PRDM15: variants seen among roughly 807,000 people sequenced by gnomAD.
PRDM15 encodes PR domain zinc finger protein 15.
Under a neutral mutation model 128.6 loss-of-function variants are expected in PRDM15, and 64 were observed. The observed-to-expected ratio is 0.50, with a 90% CI of 0.41 to 0.61. PRDM15 has a LOEUF of 0.61. PRDM15 is among the 20% of genes least tolerant of loss of function. The pLI is 0.00. For missense variants in PRDM15, 1,242 were observed against 1,569.1 expected (o/e 0.79, Z 3.52); for synonymous variants, 615 against 621.8 (o/e 0.99, Z 0.16).
At chr21:41,870,538 T>G (rs1205655778) in intron 1 of PRDM15, 2 of 152,214 alleles carry the variant, frequency 1.3e-5, no homozygotes, top group African/African-American at 4.8e-5. Context: ...TGAAAAATGC[T>G]GTGGGTGGGC....
chr21:41,833,880 G>A (rs891154195), intron 11 of PRDM15, among the ~76,000 whole-genome samples: 6 of 152,304 alleles, frequency 3.9e-5, no homozygotes, highest in South Asian at 2.1e-4. Flanking sequence ...TCACCAGAGC[G>A]CCTTAGCTGG....
At chr21:41,845,864 T>G (rs1156518968) in intron 6 of PRDM15, among the ~76,000 whole-genome samples, 1 of 152,124 alleles carries the variant, frequency 6.6e-6, no homozygotes, top group African/African-American at 2.4e-5. Context: ...GGGGACCACC[T>G]GGCGCAAGCA....
chr21:41,838,391 C>T (rs2062965169), intron 7 of PRDM15, among the ~76,000 whole-genome samples: 1 of 152,220 alleles, frequency 6.6e-6, no homozygotes, highest in African/African-American at 2.4e-5. Flanking sequence ...AAACTTCGAA[C>T]TTACTACATC....
chr21:41,830,255 ACC>A (rs1169021993), intron 11 of PRDM15, among the ~76,000 whole-genome samples: 1 of 149,692 alleles, frequency 6.7e-6, no homozygotes, highest in African/African-American at 2.5e-5. Flanking sequence ...CCACACACAC[ACC>A]CCCCACACAA....
rs768538770 is a variant in PRDM15, at chr21:41,801,540, G to A, written c.3126C>T (p.Thr1042=). Residue 1042 remains threonine (T), a synonymous_variant, in exon 24 of 24, where the codon ACC becomes ACT. Coordinates refer to ENST00000398548, the MANE Select transcript of PRDM15 (RefSeq NM_001040424.3). The stretch of plus-strand genomic sequence containing the variant: ...AGCCGCTGACGGTATCAAAGGTCAC[G>A]GTCAGGATTGAGTTGTCCAGCTGTA... ...RQLQLDNSIL[T]VTFDTVSGSA... The A allele has an allele frequency of 4.3e-5, 69 of 1,614,036 alleles. No homozygotes were observed. Among genetic ancestry groups the A allele is most frequent in the Middle Eastern group, 1.6e-4 (1 of 6,084 alleles).
chr21:41,877,984 GA>G (rs1451911504), intron 1 of PRDM15, among the ~76,000 whole-genome samples: 2 of 152,260 alleles, frequency 1.3e-5, no homozygotes, highest in East Asian at 3.8e-4. Context: ...GTGAAGCAGT[GA>G]AAACGTGGAA....
chr21:41,823,505 C>T (rs1601220988), intron 13 of PRDM15, 56 bp from the exon 14 acceptor site: 2 of 1,523,562 alleles, frequency 1.3e-6, no homozygotes, highest in African/African-American at 2.7e-5. Flanking sequence ...CGGGAAGGAG[C>T]CTCTCCATCA....
At chr21:41,806,875 CCATCAG>C (rs1361554417) in intron 21 of PRDM15, among the ~76,000 whole-genome samples, 9 of 149,802 alleles carry the variant, frequency 6.0e-5, no homozygotes, top group South Asian at 2.1e-4. Context: ...ACCGCCATCA[CCATCAG>C]CACCACTACC....
intron 21 of PRDM15, among the ~76,000 whole-genome samples, chr21:41,805,283 C>T (rs555507201): frequency 1.3e-5 from 2 of 152,282 alleles, no homozygotes; most frequent in African/African-American, 4.8e-5. Context: ...AGAAAGACAA[C>T]GGACAACGAG....
In PRDM15 at chr21:41,821,591, C is replaced by A. The variant is rs1274669867; in HGVS notation, c.1896+312G>T. On this transcript the variant is annotated intron_variant, in intron 15 of 23. Coordinates refer to ENST00000398548, the MANE Select transcript of PRDM15 (RefSeq NM_001040424.3). The surrounding 1 kb of genome is among the most constrained non-coding windows in gnomAD (Gnocchi z 5.4). ...GAGGCGCCCCAGCCTGCAGCCAGCA[C>A]AGCCACCTTCTAGGAGGCCGACCCC... 2.0e-5 allele frequency among the ~76,000 whole-genome samples: 3 copies of A among 152,152 alleles called. No homozygotes were observed. The highest frequency in any genetic ancestry group is 4.4e-5 in the Non-Finnish European group (3 of 68,000).
intron 18 of PRDM15, among the ~76,000 whole-genome samples, chr21:41,819,182 T>C (rs144995049): frequency 0.014 from 2,093 of 152,346 alleles, 148 homozygotes; most frequent in Admixed American, 0.12. Flanking sequence ...TTTCCTTAAG[T>C]AAGCGACTGA....
At chr21:41,850,166 C>T (rs1416633574) in intron 5 of PRDM15, among the ~76,000 whole-genome samples, 1 of 152,172 alleles carries the variant, frequency 6.6e-6, no homozygotes, top group Non-Finnish European at 1.5e-5. Context: ...CTCTGATTTC[C>T]ATTCGTCCAC....
intron 22 of PRDM15, 40 bp downstream of exon 22, chr21:41,804,494 C>G (rs375035916): frequency 9.1e-5 from 136 of 1,491,540 alleles, no homozygotes; most frequent in Middle Eastern, 6.8e-4. Flanking sequence ...TGTCCACTTA[C>G]CCCAAAGTTT....
chr21:41,860,529 T>G (rs527913204), intron 1 of PRDM15, among the ~76,000 whole-genome samples, 157 bp from the exon 2 acceptor site: 5 of 152,288 alleles, frequency 3.3e-5, no homozygotes, highest in Admixed American at 1.3e-4. Context: ...TTCAAGTGAT[T>G]CTCCTGCCTC....
At chr21:41,809,713 G>A (rs1468555417) in intron 21 of PRDM15, among the ~76,000 whole-genome samples, 2 of 151,976 alleles carry the variant, frequency 1.3e-5, no homozygotes, top group Admixed American at 1.3e-4. Context: ...ATTTAATTAC[G>A]GAACATCCTG....
At chr21:41,816,488 C>T (rs2146335142) in intron 18 of PRDM15, among the ~76,000 whole-genome samples, 1 of 152,256 alleles carries the variant, frequency 6.6e-6, no homozygotes, top group South Asian at 2.1e-4. Flanking sequence ...AGGCAGCCTC[C>T]CCAGCCCCGA....
intron 6 of PRDM15, among the ~76,000 whole-genome samples, chr21:41,840,466 T>G (rs2063042152): frequency 6.9e-6 from 1 of 145,542 alleles, no homozygotes; most frequent in African/African-American, 2.5e-5. Flanking sequence ...AAAAAAAGAA[T>G]TGCACCCTAG....
rs751295786 is a variant in PRDM15, at chr21:41,836,641, T to C, written c.1010A>G (p.His337Arg). The C allele has an allele frequency of 1.1e-5, 18 of 1,596,966 alleles. No individual in the cohort carries two copies. The East Asian group carries it at 1.4e-4, about 12-fold the overall frequency. The change falls in exon 9 of 24, where the codon CAT becomes CGT. Residue 337 changes from histidine (H) to arginine (R), a missense_variant. His to Arg is a conservative substitution (Grantham distance 29, BLOSUM62 0). This residue lies in a region of PRDM15 where 612 missense variants were observed against 717.0 expected (regional missense o/e 0.85). Transcript: ENST00000398548. ...TDTSSVPKFT[H>R]HQNNTITLKR... ...GAGCGTGATGGTGTTATTCTGATGA[T>C]GGGTGAACCTGCCCAGGGACGTCAA...
At chr21:41,820,911 C>A (rs1311391187) in intron 16 of PRDM15, among the ~76,000 whole-genome samples, 156 bp downstream of exon 16, 1 of 152,184 alleles carries the variant, frequency 6.6e-6, no homozygotes, top group East Asian at 1.9e-4. Context: ...AGCCCAGCTG[C>A]CCCCGAGCCC....
Sources: gnomAD v4.1 joint callset for allele counts (sites outside exome capture counted in the v4.1 genomes callset) on GRCh38, gnomAD v4.1.1 for gene constraint, gnomAD v4.1.1 regional missense constraint, Gnocchi (gnomAD v3.1) non-coding constraint, MANE v1.5 for transcripts, NCBI Gene and HGNC (gene_info 2026-07-23, HGNC 2026-07-21) for gene names.